The following TBC1D32 variants were observed in gnomAD, a reference collection of about 807,000 sequenced individuals.
The protein encoded by TBC1D32 is TBC1 domain family member 32.
TBC1D32 carries 151 observed loss-of-function variants against 170.3 expected under a neutral mutation model. The ratio of observed to expected loss-of-function variants is 0.89; its 90% CI spans 0.78 to 1.01. TBC1D32 has a LOEUF of 1.01. Ranked by LOEUF, TBC1D32 falls within the 50% of genes least tolerant of loss-of-function variation. The probability of loss-of-function intolerance (pLI) is 0.00; values close to 1 mark genes in which losing one functional copy is unlikely to be tolerated. For missense variants in TBC1D32, 1,464 were observed against 1,457.1 expected (o/e 1.00, Z -0.08); for synonymous variants, 498 against 488.0 (o/e 1.02, Z -0.27).
Position 121,234,999 on chromosome 6 carries a change from C to CAATCCAGT in TBC1D32, c.2364+4070_2364+4071insACTGGATT, listed in dbSNP as rs1367556305. Among the ~76,000 whole-genome samples, 87 of 152,284 alleles carry CAATCCAGT rather than the reference C, an allele frequency of 5.7e-4. 2 individuals carry two copies. Among genetic ancestry groups the CAATCCAGT allele is most frequent in the Admixed American group, 5.4e-3 (83 of 15,294 alleles). The stretch of plus-strand genomic sequence containing the variant: ...TGCTCTTCTGGGTCTAGCCATCCAG[C>CAATCCAGT]AGAGCTACCGGGCTCTGGGCTGGTA... On this transcript the variant is annotated intron_variant, in intron 20 of 31. Transcript: ENST00000398212.
rs769987828 is a variant in TBC1D32, at chr6:121,304,437, G to A, written c.874-11C>T. Reference sequence around the variant, plus strand: ...ATTTAGAAGACGAACCTACAAAGCAGTGCACAATAGTTCTCAAAAAATTAG... The same window carrying A: ...ATTTAGAAGACGAACCTACAAAGCAATGCACAATAGTTCTCAAAAAATTAG... On this transcript the variant is annotated splice_polypyrimidine_tract_variant and intron_variant, in intron 7 of 31. Coordinates refer to ENST00000398212, the MANE Select transcript of TBC1D32 (RefSeq NM_152730.6). The A allele has an allele frequency of 6.2e-7, 1 of 1,610,080 alleles. No individual in the cohort carries two copies. The highest frequency in any genetic ancestry group is 2.2e-5 in the East Asian group (1 of 44,820).
intron 26 of TBC1D32, among the ~76,000 whole-genome samples, chr6:121,124,088 T>C (rs1780574480): frequency 6.6e-6 from 1 of 152,082 alleles, no homozygotes; most frequent in Admixed American, 6.6e-5. Context: ...TAATAGTTTG[T>C]CTTTTAGTCT....
chr6:121,089,835 C>CTAGCAAATGATGAATGTTGTTTTTAGTG (rs1246929029), intron 31 of TBC1D32, among the ~76,000 whole-genome samples: 114 of 151,984 alleles, frequency 7.5e-4, no homozygotes, highest in Non-Finnish European at 2.8e-4. Flanking sequence ...TAGAGAAAGC[C>CTAGCAAATGATGAATGTTGTTTTTAGTG]TAGCAAATGA....
chr6:121,231,609 C>T (rs1795748735), intron 20 of TBC1D32, among the ~76,000 whole-genome samples: 1 of 151,986 alleles, frequency 6.6e-6, no homozygotes, highest in Non-Finnish European at 1.5e-5. Flanking sequence ...TTGATTATGG[C>T]CATTCTTCCA....
chr6:121,333,664 G>C (rs553974092), intron 1 of TBC1D32, among the ~76,000 whole-genome samples: 2 of 152,300 alleles, frequency 1.3e-5, no homozygotes, highest in East Asian at 3.9e-4. Flanking sequence ...TGAAATCGTG[G>C]AAGTATTCTT....
chr6:121,200,724 G>A (rs77448509), intron 22 of TBC1D32, among the ~76,000 whole-genome samples: 4,060 of 151,658 alleles, frequency 0.027, 95 homozygotes, highest in Non-Finnish European at 0.042. Flanking sequence ...GCAAAGAGAA[G>A]ACAAGATCAG....
intron 17 of TBC1D32, among the ~76,000 whole-genome samples, chr6:121,250,289 A>T (rs1467953541): frequency 6.6e-6 from 1 of 152,154 alleles, no homozygotes; most frequent in Non-Finnish European, 1.5e-5. Flanking sequence ...ATAAAAAATG[A>T]AAATTTCAGG....
At position 121,328,737 on chromosome 6, in the gene TBC1D32, C is replaced by CTAAG. The variant is rs530094854; in HGVS notation, c.155+5538_155+5539insCTTA. On this transcript the variant is annotated intron_variant, in intron 1 of 31. Coordinates refer to ENST00000398212, the MANE Select transcript of TBC1D32 (RefSeq NM_152730.6). ...ACCTTAGGCAAAACACCTGACCTTA[C>CTAAG]TTTCAATTGCCCACTACTTAATGGT... Among the ~76,000 whole-genome samples the CTAAG allele has an allele frequency of 2.3e-3, 347 of 152,318 alleles. 1 individual carries two copies. Among genetic ancestry groups the CTAAG allele is most frequent in the African/African-American group, 8.1e-3 (335 of 41,572 alleles).
chr6:121,120,321 G>A (rs1562544718), intron 26 of TBC1D32, among the ~76,000 whole-genome samples: 1 of 151,926 alleles, frequency 6.6e-6, no homozygotes, highest in Non-Finnish European at 1.5e-5. Context: ...ATAACAGAGG[G>A]CAGTAACGCA....
chr6:121,147,969 A>G (rs952484152), intron 24 of TBC1D32, among the ~76,000 whole-genome samples: 28 of 90,074 alleles, frequency 3.1e-4, no homozygotes, highest in African/African-American at 1.0e-3. Flanking sequence ...CCCATTTTTT[A>G]ATTGGAATAT....
intron 17 of TBC1D32, among the ~76,000 whole-genome samples, chr6:121,251,678 T>C (rs1798308679): frequency 6.6e-6 from 1 of 152,086 alleles, no homozygotes; most frequent in East Asian, 1.9e-4. Context: ...CCAAAAGCAA[T>C]TGCAGCAAAA....
intron 30 of TBC1D32, among the ~76,000 whole-genome samples, chr6:121,097,548 T>TGCTGGAGAGGATGTGGAGAAATAGGAAC (rs1777568182): frequency 6.6e-6 from 1 of 152,132 alleles, no homozygotes; most frequent in Non-Finnish European, 1.5e-5. Flanking sequence ...AAACAACAGA[T>TGCTGGAGAGGATGTGGAGAAATAGGAAC]GCTGGAGAGG....
chr6:121,150,560 T>A (rs1321318745), intron 24 of TBC1D32, among the ~76,000 whole-genome samples: 1 of 152,202 alleles, frequency 6.6e-6, no homozygotes, highest in African/African-American at 2.4e-5. Flanking sequence ...TTGATTGGAA[T>A]AGTTTCAGAA....
intron 5 of TBC1D32, among the ~76,000 whole-genome samples, chr6:121,305,498 T>G (rs1223728666): frequency 6.6e-6 from 1 of 151,840 alleles, no homozygotes; most frequent in East Asian, 1.9e-4. Flanking sequence ...CAACTTTCCA[T>G]TAAATAAAAA....
chr6:121,263,861 C>G (rs995362720), intron 15 of TBC1D32, among the ~76,000 whole-genome samples: 6 of 152,114 alleles, frequency 3.9e-5, no homozygotes, highest in Admixed American at 3.3e-4. Context: ...GAAAGTAAGG[C>G]AGAAATCAAG....
At chr6:121,295,582 C>T (rs1805500542) in intron 10 of TBC1D32, among the ~76,000 whole-genome samples, 1 of 151,322 alleles carries the variant, frequency 6.6e-6, no homozygotes, top group Non-Finnish European at 1.5e-5. Flanking sequence ...TTAAATGTTA[C>T]TGGGGGAAGC....
chr6:121,081,938 C>A (rs12525794), intron 31 of TBC1D32, among the ~76,000 whole-genome samples: 9,835 of 152,012 alleles, frequency 0.065, 616 homozygotes, highest in Admixed American at 0.21. Context: ...AAAAAATTAA[C>A]GACTGATCTA....
intron 30 of TBC1D32, among the ~76,000 whole-genome samples, chr6:121,100,046 G>A (rs779536574): frequency 1.2e-4 from 18 of 151,956 alleles, no homozygotes; most frequent in Non-Finnish European, 2.1e-4. Context: ...TTCAGGAGCA[G>A]ATCGTTTGGT....
chr6:121,190,411 TCCACTCTCTCTACCCCCCTACACAC>T (rs1323265127), intron 22 of TBC1D32, among the ~76,000 whole-genome samples: 2 of 118,316 alleles, frequency 1.7e-5, no homozygotes, highest in Admixed American at 9.3e-5. Flanking sequence ...CCCACACACA[TCCACTCTCTCTACCCCCCTACACAC>T]CCACTCTCTC....
Sources: allele counts gnomAD v4.1 joint callset (sites outside exome capture counted in the v4.1 genomes callset), GRCh38; gene constraint gnomAD v4.1.1; transcripts MANE v1.5; gene names NCBI Gene and HGNC (gene_info 2026-07-23, HGNC 2026-07-21).